NPC1L1: variants seen among roughly 807,000 people sequenced by gnomAD.
The protein encoded by NPC1L1 is NPC1-like intracellular cholesterol transporter 1.
In NPC1L1, 98 loss-of-function variants were observed where a neutral mutation model predicts 117.0. That is an observed-to-expected ratio of 0.84 (90% CI 0.71 to 0.99). NPC1L1 has a LOEUF of 0.99. NPC1L1 is among the 50% of genes least tolerant of loss of function. The pLI is 0.00. For synonymous variants in NPC1L1, 729 were observed against 727.6 expected (o/e 1.00, Z -0.03); for missense variants, 1,540 against 1,710.0 (o/e 0.90, Z 1.75).
chr7:44,513,789 G>A (rs1228273281), intron 18 of NPC1L1, 140 bp from the exon 19 acceptor site: 5 of 928,256 alleles, frequency 5.4e-6, no homozygotes, highest in African/African-American at 1.6e-5. Context: ...GGGTCACTAT[G>A]TTCACAGCCC....
intron 14 of NPC1L1, among the ~76,000 whole-genome samples, chr7:44,519,266 G>A (rs1193723087): frequency 3.3e-5 from 5 of 152,142 alleles, no homozygotes; most frequent in African/African-American, 1.2e-4. Flanking sequence ...GGGAAGTGCT[G>A]CTCTAGACTA....
chr7:44,533,092 T>G (rs1801754109), intron 8 of NPC1L1: 2 of 300,052 alleles, frequency 6.7e-6, no homozygotes, highest in Non-Finnish European at 6.5e-6. Context: ...GGTGACAGAG[T>G]GAAACTCCGT....
intron 14 of NPC1L1, 94 bp from the exon 15 acceptor site, chr7:44,517,451 T>G (rs749987783): frequency 1.2e-4 from 180 of 1,483,048 alleles, no homozygotes; most frequent in Middle Eastern, 6.2e-4. Context: ...GGCACAGGCA[T>G]GTGATCAAGC....
intron 10 of NPC1L1, among the ~76,000 whole-genome samples, chr7:44,522,840 C>T (rs1409827121): frequency 2.6e-5 from 4 of 152,162 alleles, no homozygotes; most frequent in Admixed American, 6.5e-5. Flanking sequence ...GCACAGCCAC[C>T]GTCTAACAAG....
At chr7:44,533,234 T>C in intron 8 of NPC1L1, 197 bp downstream of exon 8, 1 of 591,212 alleles carries the variant, frequency 1.7e-6, no homozygotes, top group Non-Finnish European at 2.9e-6. Flanking sequence ...TGATTATATT[T>C]AAAAAATTGT....
At position 44,539,001 on chromosome 7, in the gene NPC1L1, A is replaced by G. The variant is rs1801987139; in HGVS notation, c.1396T>C (p.Ser466Pro). The change falls in exon 2 of 19, where the codon TCC becomes CCC. Residue 466 changes from serine to proline, a missense_variant. Physicochemically the swap from Ser to Pro is moderately conservative, Grantham distance 74 (BLOSUM62 -1). Coordinates refer to ENST00000381160, the MANE Select transcript of NPC1L1 (RefSeq NM_001101648.2). This position sits in a 1 kb window ranked among gnomAD's most constrained non-coding sequence, Gnocchi z 4.4. ...GGGGCGTAGCAGATGTCCTGCAGGG[A>G]GATGTTGCGCTGTGCTTCGGGCGAC... ...VWSPEAQRNI[S>P]LQDICYAPLN... 5 of 1,613,896 alleles carry G rather than the reference A, an allele frequency of 3.1e-6. No homozygotes were observed. The African/African-American group carries it at 5.3e-5, about 17-fold the overall frequency.
chr7:44,533,811 C>T lies in NPC1L1; in HGVS notation c.2209G>A (p.Gly737Arg). 1 of 1,613,682 alleles carries T rather than the reference C, an allele frequency of 6.2e-7. No homozygotes were observed. ...RPGEPREVHIGRALGRVAPSM... is the reference protein window; with the variant it reads ...RPGEPREVHIRRALGRVAPSM... ...GGAGCCACCCTGCCTAGGGCTCGCC[C>T]AATGTGGACCTCTCGTGGCTCCCCA... Residue 737 changes from glycine (G) to arginine (R), a missense_variant, in exon 7 of 19, where the codon GGG (glycine) becomes AGG (arginine). Gly to Arg is a moderately radical substitution (Grantham distance 125). Around this residue, in one of 3 missense-constraint regions of NPC1L1, gnomAD observed 742 missense variants for 873.6 expected, o/e 0.85. Coordinates refer to ENST00000381160, the MANE Select transcript of NPC1L1 (RefSeq NM_001101648.2).
At chr7:44,525,710 A>G (rs1384572965) in intron 10 of NPC1L1, among the ~76,000 whole-genome samples, 2 of 152,320 alleles carry the variant, frequency 1.3e-5, no homozygotes, top group East Asian at 3.9e-4. Flanking sequence ...CTGCCTCTAA[A>G]AAATAAAAAT....
At chr7:44,532,878 C>G (rs1051750240) in intron 8 of NPC1L1, among the ~76,000 whole-genome samples, 2 of 152,160 alleles carry the variant, frequency 1.3e-5, no homozygotes, top group Admixed American at 1.3e-4. Flanking sequence ...CCAAGGTGGG[C>G]AGATCACCTG....
At chr7:44,535,631 GA>G (rs1801858608) in intron 5 of NPC1L1, among the ~76,000 whole-genome samples, 1 of 152,176 alleles carries the variant, frequency 6.6e-6, no homozygotes, top group African/African-American at 2.4e-5. Flanking sequence ...GCAAAGAAAA[GA>G]GAAGAAAAAG....
At chr7:44,529,108 TAAACAC>T (rs1178264643) in intron 10 of NPC1L1, among the ~76,000 whole-genome samples, 5 of 73,254 alleles carry the variant, frequency 6.8e-5, no homozygotes, top group African/African-American at 2.9e-4. Context: ...TAGAATGAAT[TAAACAC>T]ACACACACAC....
chr7:44,521,812 G>T lies in NPC1L1; in HGVS notation c.2853C>A (p.Ser951=). 1 of 1,614,216 alleles carries T rather than the reference G, an allele frequency of 6.2e-7. No homozygotes were observed. The highest frequency in any genetic ancestry group is 8.5e-7 in the Non-Finnish European group (1 of 1,180,034). The change falls in exon 12 of 19, where the codon TCC becomes TCA. Residue 951 remains serine (S), a synonymous_variant. Coordinates refer to ENST00000381160, the MANE Select transcript of NPC1L1 (RefSeq NM_001101648.2). Reference sequence around the variant, plus strand: ...AGTCAATGAAGTCATCCACCCAGGAGGAGGCAGGGATGGCCAGGTAAGACC... The same window carrying T: ...AGTCAATGAAGTCATCCACCCAGGATGAGGCAGGGATGGCCAGGTAAGACC... ...PEQSYLAIPA[S]SWVDDFIDWL...
At chr7:44,527,377 A>G (rs921576036) in intron 10 of NPC1L1, among the ~76,000 whole-genome samples, 2 of 150,446 alleles carry the variant, frequency 1.3e-5, no homozygotes, top group Non-Finnish European at 3.0e-5. Flanking sequence ...GAATCGCTTG[A>G]ACTCGGGAGG....
At position 44,541,308 on chromosome 7, in the gene NPC1L1, C is replaced by G. The variant is rs1205500408; in HGVS notation, c.-49G>C. 5.2e-6 allele frequency: 8 copies of G among 1,532,250 alleles called. No homozygotes were observed. The highest frequency in any genetic ancestry group is 1.8e-6 in the Non-Finnish European group (2 of 1,132,974). 94.9% of individuals were successfully genotyped at this position (1,532,250 alleles called of 1,614,324 possible). On this transcript the variant is annotated 5_prime_UTR_variant, in exon 1 of 19. Coordinates refer to ENST00000381160, the MANE Select transcript of NPC1L1 (RefSeq NM_001101648.2). The stretch of plus-strand genomic sequence containing the variant: ...GGGGAGCCAGGCCAGGCCTCAGGAA[C>G]AGCCAAGGGCTGAACACACATTAAG...
chr7:44,534,723 ACC>A lies in NPC1L1; in HGVS notation c.1984-96_1984-95del. The stretch of plus-strand genomic sequence containing the variant: ...AGGCCAGACAAAGTAGCCGGCAGGC[ACC>A]CTCAGTGCCTGCAGGTGCCCGATAC... On this transcript the variant is annotated intron_variant, in intron 5 of 18. Transcript: ENST00000381160. The surrounding 1 kb of genome is among the most constrained non-coding windows in gnomAD (Gnocchi z 5.2). 3 of 1,367,448 alleles carry A rather than the reference ACC, an allele frequency of 2.2e-6. No individual in the cohort carries two copies. The highest frequency in any genetic ancestry group is 3.1e-6 in the Non-Finnish European group (3 of 974,460). 84.7% of individuals were successfully genotyped at this position (1,367,448 alleles called of 1,614,324 possible). A position where few individuals can be genotyped will look rare whatever the true frequency, so the allele number is the denominator to read the frequency against.
At chr7:44,524,627 C>T (rs938802573) in intron 10 of NPC1L1, among the ~76,000 whole-genome samples, 1 of 152,030 alleles carries the variant, frequency 6.6e-6, no homozygotes, top group Non-Finnish European at 1.5e-5. Flanking sequence ...TGGTGGCAGG[C>T]ACCTGTAATC....
At position 44,539,803 on chromosome 7, in the gene NPC1L1, A is replaced by G; in HGVS notation, c.594T>C (p.Asn198=). The G allele has an allele frequency of 1.2e-6, 2 of 1,614,124 alleles. No individual in the cohort carries two copies. The highest frequency in any genetic ancestry group is 1.7e-6 in the Non-Finnish European group (2 of 1,180,018). ...MCGVYGSALC[N]AQRWLNFQGD... is the part of the protein sequence containing the mutation. ...CCTGGAAGTTGAGCCAGCGCTGGGC[A>G]TTGCAAAGGGCAGAGCCATACACGC... The change falls in exon 2 of 19, where the codon AAT becomes AAC. Residue 198 remains asparagine, a synonymous_variant. Coordinates refer to ENST00000381160, the MANE Select transcript of NPC1L1 (RefSeq NM_001101648.2). The surrounding 1 kb of genome is among the most constrained non-coding windows in gnomAD (Gnocchi z 4.4).
chr7:44,535,734 A>G, intron 5 of NPC1L1, 106 bp downstream of exon 5: 1 of 1,520,174 alleles, frequency 6.6e-7, no homozygotes, highest in South Asian at 1.1e-5. Flanking sequence ...GGGTGTGTCC[A>G]CTTTGCTGTT....
Position 44,513,283 on chromosome 7 carries a change from G to A in NPC1L1, c.*164C>T, listed in dbSNP as rs1214717498. The stretch of plus-strand genomic sequence containing the variant: ...GAGCAGAGGAGCCATCAGTGGTGCT[G>A]CCTGGATACCTCAAGAGCAGGCCAT... On this transcript the variant is annotated 3_prime_UTR_variant, in exon 19 of 19. Coordinates refer to ENST00000381160, the MANE Select transcript of NPC1L1 (RefSeq NM_001101648.2). The A allele has an allele frequency of 8.5e-6, 6 of 704,724 alleles. No individual in the cohort carries two copies. The East Asian group carries it at 1.6e-4, about 19-fold the overall frequency. 43.7% of individuals were successfully genotyped at this position (704,724 alleles called of 1,614,324 possible).
Sources: gnomAD v4.1 joint callset for allele counts (sites outside exome capture counted in the v4.1 genomes callset) on GRCh38, gnomAD v4.1.1 for gene constraint, gnomAD v4.1.1 regional missense constraint, Gnocchi (gnomAD v3.1) non-coding constraint, MANE v1.5 for transcripts, NCBI Gene and HGNC (gene_info 2026-07-23, HGNC 2026-07-21) for gene names.